MGST1: variants seen among roughly 807,000 people sequenced by gnomAD.
The protein encoded by MGST1 is glutathione S-transferase 12.
Under a neutral mutation model 8.9 loss-of-function variants are expected in MGST1, and 5 were observed. The ratio of observed to expected loss-of-function variants is 0.56; its 90% CI spans 0.29 to 1.19. The LOEUF (loss-of-function observed/expected upper bound fraction) is 1.19, where lower values mean the gene tolerates loss of function less well. MGST1 is among the 50% of genes most tolerant of loss of function. The pLI, the probability that MGST1 is intolerant of heterozygous loss-of-function variation, is 0.08. For synonymous variants in MGST1, 54 were observed against 67.8 expected (o/e 0.80, Z 1.00); for missense variants, 182 against 187.4 (o/e 0.97, Z 0.17).
chr12:16,479,558 G>A (rs1388213454), intron 4 of MGST1, among the ~76,000 whole-genome samples: 1 of 83,820 alleles, frequency 1.2e-5, no homozygotes, highest in African/African-American at 5.3e-5. Flanking sequence ...TTTTGAGACA[G>A]GGTCTTGCTC....
chr12:16,401,202 C>A lies in MGST1; in HGVS notation n.778+17598C>A. 6.4e-7 allele frequency: 1 copy of A among 1,558,370 alleles called. No homozygotes were observed. Among genetic ancestry groups the A allele is most frequent in the Non-Finnish European group, 8.8e-7 (1 of 1,131,464 alleles). On this transcript the variant is annotated intron_variant and non_coding_transcript_variant, in intron 1 of 1. Transcript: ENST00000359720. The surrounding 1 kb of genome is among the most constrained non-coding windows in gnomAD (Gnocchi z 4.3). ...TAGCTGGGCCATCCTCATCCATAAGCACTGTGTCACTAAGGAACAGGGCAT... is the reference window on the plus strand; with the variant it reads ...TAGCTGGGCCATCCTCATCCATAAGAACTGTGTCACTAAGGAACAGGGCAT...
chr12:16,552,614 G>T (rs1302998974), intron 4 of MGST1, among the ~76,000 whole-genome samples: 1 of 151,988 alleles, frequency 6.6e-6, no homozygotes, highest in Non-Finnish European at 1.5e-5. Flanking sequence ...AGACTGAAAA[G>T]AATTAGCTTT....
At chr12:16,464,101 G>A (rs1426082585) in intron 4 of MGST1, among the ~76,000 whole-genome samples, 2 of 152,170 alleles carry the variant, frequency 1.3e-5, no homozygotes, top group African/African-American at 2.4e-5. Flanking sequence ...TGTGAAGTGG[G>A]TATACAAAGA....
downstream of MGST1, among the ~76,000 whole-genome samples, chr12:16,364,675 C>T (rs773540116): frequency 8.5e-5 from 13 of 152,080 alleles, no homozygotes; most frequent in Non-Finnish European, 1.6e-4. The surrounding 1 kb of genome is among the most constrained non-coding windows in gnomAD (Gnocchi z 5.7). Context: ...ACTACAATAC[C>T]ATTATTACAC....
At chr12:16,348,253 C>G (rs562072306) in intron 1 of MGST1, among the ~76,000 whole-genome samples, 49 of 152,262 alleles carry the variant, frequency 3.2e-4, no homozygotes, top group African/African-American at 1.1e-3. Flanking sequence ...ATAATGCTAG[C>G]TATCGAAACA....
At position 16,513,193 on chromosome 12, in the gene MGST1, T is replaced by G. The variant is rs905583215; in HGVS notation, n.483-76335T>G. 6.6e-6 allele frequency among the ~76,000 whole-genome samples: 1 copy of G among 152,240 alleles called. No individual in the cohort carries two copies. The highest frequency in any genetic ancestry group is 1.5e-5 in the Non-Finnish European group (1 of 68,040). Reference sequence around the variant, plus strand: ...TACTATTAGCTTCGATTTCTTCATCTGACTCAGTTTCTGCTTCTTCATGAC... The same window carrying G: ...TACTATTAGCTTCGATTTCTTCATCGGACTCAGTTTCTGCTTCTTCATGAC... On this transcript the variant is annotated intron_variant and non_coding_transcript_variant, in intron 4 of 4. Coordinates refer to the MGST1 transcript ENST00000538857. The surrounding 1 kb of genome is among the most constrained non-coding windows in gnomAD (Gnocchi z 4.2).
rs932863162 is a variant in MGST1 at position 16,437,880 on chromosome 12, C to G, written n.1271C>G. ...AGTCACATAAAAAGTAGAAAAAAAC[C>G]CCTCTGAATCAAGTATTTTAAAGTA... On this transcript the variant is annotated non_coding_transcript_exon_variant, in exon 2 of 2. Coordinates refer to the MGST1 transcript ENST00000359720. 3 of 151,790 alleles carry G rather than the reference C, an allele frequency of 2.0e-5. 1 individual carries two copies. The highest frequency in any genetic ancestry group is 4.4e-5 in the Non-Finnish European group (3 of 67,892). 9.4% of individuals were successfully genotyped at this position (151,790 alleles called of 1,614,324 possible).
intron 1 of MGST1, among the ~76,000 whole-genome samples, chr12:16,386,211 G>T (rs1353989388): frequency 2.0e-5 from 3 of 152,136 alleles, no homozygotes; most frequent in African/African-American, 7.2e-5. Context: ...GGAGAAGATC[G>T]GTGATTTCCC....
At chr12:16,506,296 A>G (rs1410858400) in intron 4 of MGST1, among the ~76,000 whole-genome samples, 1 of 152,184 alleles carries the variant, frequency 6.6e-6, no homozygotes, top group Non-Finnish European at 1.5e-5. Flanking sequence ...GGTTTGTAGT[A>G]CAGGAGAATT....
chr12:16,364,271 T>A lies in MGST1; in HGVS notation c.*230T>A. On this transcript the variant is annotated 3_prime_UTR_variant, in exon 4 of 4. Transcript: ENST00000396210. This position sits in a 1 kb window ranked among gnomAD's most constrained non-coding sequence, Gnocchi z 5.7. ...CTTTTGTCTGATTTTTAAAGTACTT[T>A]CTTATAAATTTGGATCATGTTATGA... is the stretch of plus-strand genomic sequence containing the variant. 1.7e-6 allele frequency: 2 copies of A among 1,202,686 alleles called. No homozygotes were observed. Among genetic ancestry groups the A allele is most frequent in the Non-Finnish European group, 1.0e-6 (1 of 965,546 alleles). 74.5% of individuals were successfully genotyped at this position (1,202,686 alleles called of 1,614,324 possible). A position where few individuals can be genotyped will look rare whatever the true frequency, so the allele number is the denominator to read the frequency against.
chr12:16,384,335 G>A (rs987240326), intron 1 of MGST1, among the ~76,000 whole-genome samples: 4 of 152,182 alleles, frequency 2.6e-5, no homozygotes, highest in African/African-American at 4.8e-5. Flanking sequence ...AGGTTATCTC[G>A]ATGAGATTAT....
At chr12:16,510,582 T>A (rs1033882802) in intron 4 of MGST1, among the ~76,000 whole-genome samples, 2 of 152,210 alleles carry the variant, frequency 1.3e-5, no homozygotes, top group Non-Finnish European at 2.9e-5. Context: ...CATTTTGAAT[T>A]TGTATTTTTA....
chr12:16,487,672 G>T (rs1015904620), intron 4 of MGST1, among the ~76,000 whole-genome samples: 11 of 152,112 alleles, frequency 7.2e-5, no homozygotes, highest in Admixed American at 2.0e-4. Context: ...TTAAGAGACA[G>T]AATCTTGCTC....
chr12:16,583,610 T>C (rs1460747370), intron 4 of MGST1, among the ~76,000 whole-genome samples: 3 of 152,214 alleles, frequency 2.0e-5, no homozygotes, highest in South Asian at 2.1e-4. Flanking sequence ...GCAGATAAAA[T>C]GTAAGAGGCT....
At chr12:16,496,724 G>A (rs957248377) in intron 4 of MGST1, among the ~76,000 whole-genome samples, 16 of 152,048 alleles carry the variant, frequency 1.1e-4, no homozygotes, top group African/African-American at 2.7e-4. Flanking sequence ...GGGAACATGC[G>A]GTATTTGGTT....
At chr12:16,443,303 C>T (rs1240390945), downstream of MGST1, among the ~76,000 whole-genome samples, 1 of 151,510 alleles carries the variant, frequency 6.6e-6, no homozygotes, top group Non-Finnish European at 1.5e-5. Flanking sequence ...ATATCTAAAT[C>T]TTGTGTTTTA....
downstream of MGST1, among the ~76,000 whole-genome samples, chr12:16,379,303 T>G (rs867531383): frequency 1.3e-5 from 2 of 152,178 alleles, no homozygotes; most frequent in African/African-American, 4.8e-5. Flanking sequence ...ATAGCTCTTA[T>G]TATTTTGAGA....
intron 1 of MGST1, among the ~76,000 whole-genome samples, chr12:16,384,224 G>A (rs1466065557): frequency 6.6e-6 from 1 of 152,134 alleles, no homozygotes; most frequent in Non-Finnish European, 1.5e-5. Flanking sequence ...TGATTTAAAT[G>A]TGCCCTCCTG....
intron 1 of MGST1, among the ~76,000 whole-genome samples, chr12:16,416,752 T>C (rs1478515286): frequency 1.3e-5 from 2 of 151,926 alleles, no homozygotes; most frequent in Non-Finnish European, 2.9e-5. Flanking sequence ...TGGCTGAGGG[T>C]GTATATGTAA....
Sources: allele counts gnomAD v4.1 joint callset (sites outside exome capture counted in the v4.1 genomes callset), GRCh38; gene constraint gnomAD v4.1.1; non-coding constraint Gnocchi (gnomAD v3.1); transcripts MANE v1.5; gene names NCBI Gene and HGNC (gene_info 2026-07-23, HGNC 2026-07-21).